The following CFTR variants were observed in gnomAD, a reference collection of about 807,000 sequenced individuals.
The protein encoded by CFTR is CF transmembrane conductance regulator, also known as cystic fibrosis transmembrane conductance regulator.
CFTR carries 181 observed loss-of-function variants against 171.6 expected under a neutral mutation model. The ratio of observed to expected loss-of-function variants is 1.05; its 90% CI spans 0.93 to 1.19. The LOEUF (loss-of-function observed/expected upper bound fraction) is 1.19. CFTR is among the 50% of genes most tolerant of loss of function. CFTR has a pLI of 0.00. For missense variants in CFTR, 1,968 were observed against 1,734.7 expected (o/e 1.13, Z -2.39); for synonymous variants, 583 against 608.0 (o/e 0.96, Z 0.60).
chr7:117,615,808 A>G (rs567567415), intron 21 of CFTR, among the ~76,000 whole-genome samples: 1 of 152,072 alleles, frequency 6.6e-6, no homozygotes, highest in South Asian at 2.1e-4. Flanking sequence ...TTTCAATCAG[A>G]CTATATGGTT....
chr7:117,536,569 C>G lies in CFTR; in HGVS notation c.765C>G (p.Ile255Met). Reference protein sequence around the residue: ...MKYRDQRAGKISERLVITSEM... With the variant: ...MKYRDQRAGKMSERLVITSEM... ...ACAGAGATCAGAGAGCTGGGAAGAT[C>G]AGTGAAAGACTTGTGATTACCTCAG... The change falls in exon 7 of 27, where the codon ATC becomes ATG. Residue 255 changes from isoleucine (I) to methionine (M), a missense_variant. Coordinates refer to ENST00000003084, the MANE Select transcript of CFTR (RefSeq NM_000492.4). 5 of 1,598,094 alleles carry G rather than the reference C, an allele frequency of 3.1e-6. No homozygotes were observed. Among genetic ancestry groups the G allele is most frequent in the African/African-American group, 2.7e-5 (2 of 74,866 alleles).
intron 22 of CFTR, among the ~76,000 whole-genome samples, chr7:117,632,764 C>T (rs1474454225): frequency 6.6e-6 from 1 of 151,966 alleles, no homozygotes; most frequent in Non-Finnish European, 1.5e-5. Context: ...ATAGCAAATG[C>T]AATATGGAGG....
At chr7:117,602,936 T>C in intron 16 of CFTR, 73 bp downstream of exon 16, 1 of 1,251,442 alleles carries the variant, frequency 8.0e-7, no homozygotes, top group Non-Finnish European at 1.2e-6. Flanking sequence ...CCACTATGTT[T>C]GTATGTATTG....
At chr7:117,640,705 A>G (rs1372251392) in intron 22 of CFTR, among the ~76,000 whole-genome samples, 1 of 152,218 alleles carries the variant, frequency 6.6e-6, no homozygotes, top group African/African-American at 2.4e-5. Context: ...TTTGTGCAAC[A>G]TGAGCTGATT....
chr7:117,545,984 AATTTT>A (rs58438996), intron 9 of CFTR, among the ~76,000 whole-genome samples: 4 of 148,438 alleles, frequency 2.7e-5, no homozygotes, highest in East Asian at 2.0e-4. Context: ...ATGCCTAGCT[AATTTT>A]ATTTTATTTT....
At chr7:117,642,854 T>C (rs2116168804) in intron 23 of CFTR, among the ~76,000 whole-genome samples, 1 of 152,292 alleles carries the variant, frequency 6.6e-6, no homozygotes, top group East Asian at 1.9e-4. Flanking sequence ...CCTTGGGCTT[T>C]TGTTTTTTAA....
intron 3 of CFTR, among the ~76,000 whole-genome samples, chr7:117,526,010 G>A (rs1320549520): frequency 6.7e-6 from 1 of 148,280 alleles, no homozygotes; most frequent in Non-Finnish European, 1.5e-5. Flanking sequence ...TGATTTTGCA[G>A]TGGCTGGTAC....
rs1195390894 is a variant in CFTR, at chr7:117,627,567, G to C, written c.3514G>C (p.Glu1172Gln). Reference protein sequence around the residue: ...RVFKFIDMPTEGKPTKSTKPY... With the variant: ...RVFKFIDMPTQGKPTKSTKPY... ...CTTTAAGTTCATTGACATGCCAACA[G>C]AAGGTAAACCTACCAAGTCAACCAA... Residue 1172 changes from glutamate (E) to glutamine (Q), a missense_variant, in exon 22 of 27, where the codon GAA becomes CAA. Glu to Gln is a conservative substitution (Grantham distance 29, BLOSUM62 2). Transcript: ENST00000003084. 1 of 1,613,258 alleles carries C rather than the reference G, an allele frequency of 6.2e-7. No individual in the cohort carries two copies. Among genetic ancestry groups the C allele is most frequent in the Admixed American group, 1.7e-5 (1 of 59,950 alleles).
chr7:117,592,676 G>C lies in CFTR; in HGVS notation c.2490+19G>C, dbSNP rs368353825. On this transcript the variant is annotated intron_variant, in intron 14 of 26. Transcript: ENST00000003084. ...CTTAAAGGTAGGTATACATCGCTTG[G>C]GGGTATTTCACCCCACAGAATGCAA... The C allele has an allele frequency of 3.3e-5, 50 of 1,498,100 alleles. No homozygotes were observed. Among genetic ancestry groups the C allele is most frequent in the South Asian group, 9.1e-5 (6 of 66,068 alleles). 92.8% of individuals were successfully genotyped at this position (1,498,100 alleles called of 1,614,324 possible).
intron 11 of CFTR, among the ~76,000 whole-genome samples, chr7:117,584,975 G>T (rs982585156): frequency 6.6e-6 from 1 of 151,502 alleles, no homozygotes; most frequent in Admixed American, 6.6e-5. Flanking sequence ...TGTTGTAAAA[G>T]GGATTGAGTT....
At chr7:117,551,413 A>G (rs1799268752) in intron 10 of CFTR, among the ~76,000 whole-genome samples, 1 of 152,214 alleles carries the variant, frequency 6.6e-6, no homozygotes, top group African/African-American at 2.4e-5. Flanking sequence ...AAATTTATCA[A>G]GTTGTTATCT....
chr7:117,618,703 A>T (rs1055993462), intron 21 of CFTR, among the ~76,000 whole-genome samples: 8 of 152,168 alleles, frequency 5.3e-5, no homozygotes, highest in Admixed American at 5.2e-4. Context: ...AAATATACCC[A>T]GGGTCTCAGG....
intron 18 of CFTR, 47 bp downstream of exon 18, chr7:117,606,800 A>T (rs537062304): frequency 1.6e-5 from 17 of 1,052,500 alleles, no homozygotes; most frequent in Admixed American, 1.4e-4. Context: ...TATTAAAAAA[A>T]CAATAACAAA....
At chr7:117,574,750 C>T (rs1026290088) in intron 11 of CFTR, among the ~76,000 whole-genome samples, 3 of 152,082 alleles carry the variant, frequency 2.0e-5, no homozygotes, top group African/African-American at 7.2e-5. Flanking sequence ...TATTCCAATC[C>T]ATTCCCATAA....
intron 10 of CFTR, among the ~76,000 whole-genome samples, chr7:117,549,887 T>C (rs1354590354): frequency 6.6e-6 from 1 of 152,152 alleles, no homozygotes; most frequent in East Asian, 1.9e-4. Context: ...GAAGCAGTGC[T>C]GCTGCTGTAG....
intron 20 of CFTR, among the ~76,000 whole-genome samples, chr7:117,614,119 T>G (rs1166123574): frequency 6.7e-6 from 1 of 149,822 alleles, no homozygotes; most frequent in Non-Finnish European, 1.5e-5. Context: ...CCCAATAGCA[T>G]GCAATTAGCA....
At chr7:117,492,587 T>C (rs935225014) in intron 1 of CFTR, among the ~76,000 whole-genome samples, 1 of 152,008 alleles carries the variant, frequency 6.6e-6, no homozygotes, top group South Asian at 2.1e-4. Flanking sequence ...GGAAAGAAAT[T>C]AGCAAACAAA....
chr7:117,503,376 A>G (rs79239149), intron 1 of CFTR, among the ~76,000 whole-genome samples: 3,042 of 152,296 alleles, frequency 0.02, 115 homozygotes, highest in African/African-American at 0.071. Context: ...TTTACCTGAG[A>G]AAGCTCTCGT....
At chr7:117,506,889 G>C (rs1184484060) in intron 2 of CFTR, among the ~76,000 whole-genome samples, 1 of 152,116 alleles carries the variant, frequency 6.6e-6, no homozygotes, top group Non-Finnish European at 1.5e-5. Context: ...TTTTGGAAGA[G>C]TGACATACCA....
Sources: allele counts gnomAD v4.1 joint callset (sites outside exome capture counted in the v4.1 genomes callset), GRCh38; gene constraint gnomAD v4.1.1; transcripts MANE v1.5; gene names NCBI Gene and HGNC (gene_info 2026-07-23, HGNC 2026-07-21).